The following FCRLA variants were observed in gnomAD, a reference collection of about 807,000 sequenced individuals.
The protein encoded by FCRLA is Fc receptor like A.
A neutral mutation model predicts 28.4 loss-of-function variants in FCRLA; 26 were observed. The observed-to-expected ratio is 0.91, with a 90% CI of 0.67 to 1.27. FCRLA has a LOEUF of 1.27. Among genes scored for constraint, FCRLA ranks in the 50% most tolerant of loss-of-function variants. FCRLA has a pLI of 0.00. For missense variants in FCRLA, 422 were observed against 433.1 expected (o/e 0.97, Z 0.23); for synonymous variants, 174 against 168.5 (o/e 1.03, Z -0.25).
intron 1 of FCRLA, among the ~76,000 whole-genome samples, chr1:161,709,910 A>T (rs542663096): frequency 6.6e-6 from 1 of 152,160 alleles, no homozygotes; most frequent in African/African-American, 2.4e-5. Context: ...ATGGACTGGG[A>T]GGAGGGGAAA....
At chr1:161,711,827 C>A in intron 3 of FCRLA, 107 bp from the exon 4 acceptor site, 1 of 1,332,060 alleles carries the variant, frequency 7.5e-7, no homozygotes, top group Non-Finnish European at 1.0e-6. Flanking sequence ...CCCATTCCTG[C>A]TGGAAACAGG....
At chr1:161,711,523 C>A in intron 3 of FCRLA, 49 bp downstream of exon 3, 1 of 1,562,418 alleles carries the variant, frequency 6.4e-7, no homozygotes, top group Non-Finnish European at 8.7e-7. Flanking sequence ...TAAGGAGAGA[C>A]AGGGAGCCCA....
At position 161,711,930 on chromosome 1, in the gene FCRLA, C is replaced by T. The variant is rs1359361744; in HGVS notation, c.500-4C>T. ...CTCTTCTTTCCTGCCTATCTTTTTC[C>T]CAGAACTGTTTCCAGCGCCAATTCT... On this transcript the variant is annotated splice_region_variant and splice_polypyrimidine_tract_variant and intron_variant, in intron 3 of 4. Transcript: ENST00000236938. The T allele has an allele frequency of 1.2e-6, 2 of 1,602,892 alleles. No homozygotes were observed. The highest frequency in any genetic ancestry group is 4.5e-5 in the East Asian group (2 of 44,736).
rs763133551 is a variant in FCRLA, at chr1:161,707,341, T to C, written c.77T>C (p.Leu26Pro). The change falls in exon 1 of 5, where the codon CTG (leucine) becomes CCG (proline). Residue 26 changes from leucine (L) to proline (P), a missense_variant and splice_region_variant. Transcript: ENST00000236938. ...LGVLWVAQMLLAASFETLQCE... is the reference protein window; with the variant it reads ...LGVLWVAQMLPAASFETLQCE... ...GTGCTCTGGGTGGCCCAGATGCTACTGGGTAAGTAAAATATTTGAATATTG... is the reference window on the plus strand; with the variant it reads ...GTGCTCTGGGTGGCCCAGATGCTACCGGGTAAGTAAAATATTTGAATATTG... The C allele has an allele frequency of 6.9e-6, 11 of 1,583,904 alleles. No individual in the cohort carries two copies. The highest frequency in any genetic ancestry group is 8.6e-6 in the Non-Finnish European group (10 of 1,168,982).
At chr1:161,712,261 G>A (rs1224443420) in intron 4 of FCRLA, 43 bp downstream of exon 4, 1 of 1,579,370 alleles carries the variant, frequency 6.3e-7, no homozygotes, top group Non-Finnish European at 8.6e-7. Flanking sequence ...TGGCATGCGT[G>A]TGAGTGAAAA....
In FCRLA at chr1:161,711,956, C is replaced by T. The variant is rs758112023; in HGVS notation, c.522C>T (p.Leu174=). The T allele has an allele frequency of 3.1e-6, 5 of 1,612,124 alleles. No individual in the cohort carries two copies. The highest frequency in any genetic ancestry group is 4.2e-6 in the Non-Finnish European group (5 of 1,179,056). The part of the protein sequence containing the change: ...TVQELFPAPI[L]RAVPSAEPQA... The stretch of plus-strand genomic sequence containing the variant: ...CAGAACTGTTTCCAGCGCCAATTCT[C>T]AGAGCTGTACCCTCAGCTGAACCCC... Residue 174 remains leucine, a synonymous_variant, in exon 4 of 5, where the codon CTC becomes CTT. Transcript: ENST00000236938.
chr1:161,711,884 C>T, intron 3 of FCRLA, 50 bp from the exon 4 acceptor site: 2 of 1,553,676 alleles, frequency 1.3e-6, no homozygotes, highest in Non-Finnish European at 1.7e-6. Context: ...CATGTGTCTA[C>T]CTGTATATAA....
chr1:161,712,276 G>A, intron 4 of FCRLA, 58 bp downstream of exon 4: 1 of 1,559,536 alleles, frequency 6.4e-7, no homozygotes, highest in Non-Finnish European at 8.7e-7. Context: ...TGAAAAGGAG[G>A]GATAGGATAA....
Position 161,711,292 on chromosome 1 carries a change from C to CACTG in FCRLA, c.321_324dup (p.Gln109AspfsTer18), listed in dbSNP as rs1557921237. The CACTG allele has an allele frequency of 1.2e-6, 2 of 1,614,238 alleles. No individual in the cohort carries two copies. Among genetic ancestry groups the CACTG allele is most frequent in the Admixed American group, 3.3e-5 (2 of 60,030 alleles). On this transcript the variant is annotated frameshift_variant, in exon 3 of 5. Coordinates refer to ENST00000236938, the MANE Select transcript of FCRLA (RefSeq NM_032738.4). LOFTEE classifies it high-confidence loss of function. The stretch of plus-strand genomic sequence containing the variant: ...CGCTGCCAGGCCTGGCAAGACTGGC[C>CACTG]ACTGACTCAGGTGACCTTCTACCGA...
Position 161,713,910 on chromosome 1 carries a change from A to T in FCRLA, c.*530A>T, listed in dbSNP as rs1265804507. On this transcript the variant is annotated 3_prime_UTR_variant, in exon 5 of 5. Transcript: ENST00000236938. ...AGTTGTACTGAGTTTGAGAAACCCCAGCCTAATGAAACCCTAGGTGTTGGG... is the reference window on the plus strand; with the variant it reads ...AGTTGTACTGAGTTTGAGAAACCCCTGCCTAATGAAACCCTAGGTGTTGGG... 1 of 152,664 alleles carries T rather than the reference A, an allele frequency of 6.6e-6. No individual in the cohort carries two copies. The highest frequency in any genetic ancestry group is 1.5e-5 in the Non-Finnish European group (1 of 68,310). 9.5% of individuals were successfully genotyped at this position (152,664 alleles called of 1,614,324 possible). A position where few individuals can be genotyped will look rare whatever the true frequency, so the allele number is the denominator to read the frequency against.
In FCRLA at chr1:161,707,358, T is replaced by G; in HGVS notation, c.79+15T>G. ...GATGCTACTGGGTAAGTAAAATATT[T>G]GAATATTGGTGTGGGAATGGAGCTT... On this transcript the variant is annotated intron_variant, in intron 1 of 4. Transcript: ENST00000236938. 6.4e-7 allele frequency: 1 copy of G among 1,567,390 alleles called. No individual in the cohort carries two copies.
intron 3 of FCRLA, 93 bp from the exon 4 acceptor site, chr1:161,711,841 A>C: frequency 1.4e-6 from 2 of 1,415,052 alleles, no homozygotes; most frequent in Non-Finnish European, 1.9e-6. Flanking sequence ...AAACAGGGGA[A>C]AGGAAGTATG....
At chr1:161,709,422 A>G (rs1017469397) in intron 1 of FCRLA, among the ~76,000 whole-genome samples, 2 of 152,212 alleles carry the variant, frequency 1.3e-5, no homozygotes, top group South Asian at 4.1e-4. Flanking sequence ...ATGAGCCACC[A>G]CGCCTGGATA....
intron 2 of FCRLA, 80 bp downstream of exon 2, chr1:161,710,992 G>C: frequency 1.9e-6 from 3 of 1,577,654 alleles, no homozygotes; most frequent in Non-Finnish European, 2.6e-6. Flanking sequence ...GTGTCCCTAG[G>C]AAATTGGCTA....
In FCRLA at chr1:161,711,360, T is replaced by C. The variant is rs1257441253; in HGVS notation, c.385T>C (p.Ser129Pro). The C allele has an allele frequency of 1.2e-6, 2 of 1,614,192 alleles. No homozygotes were observed. Among genetic ancestry groups the C allele is most frequent in the African/African-American group, 1.3e-5 (1 of 75,050 alleles). The change falls in exon 3 of 5, where the codon TCC becomes CCC. Residue 129 changes from serine (S) to proline (P), a missense_variant. This residue lies in a region of FCRLA where 231 missense variants were observed against 214.6 expected (regional missense o/e 1.08). Transcript: ENST00000236938. ...TCCCCCCGGGCCTAACAGGGAATTC[T>C]CCATCACCGTGGTACAAAAGGCAGA... The part of the protein sequence containing the change: ...LGPPGPNREF[S>P]ITVVQKADSG...
Position 161,710,594 on chromosome 1 carries a change from C to G in FCRLA, c.80-166C>G. ...GCCAGTGAATCAAGGTCAAAACTATCCCCCTGAGACACTCTCAGGGGTCTT... is the reference window on the plus strand; with the variant it reads ...GCCAGTGAATCAAGGTCAAAACTATGCCCCTGAGACACTCTCAGGGGTCTT... On this transcript the variant is annotated intron_variant, in intron 1 of 4. Coordinates refer to ENST00000236938, the MANE Select transcript of FCRLA (RefSeq NM_032738.4). 3.5e-6 allele frequency: 5 copies of G among 1,413,940 alleles called. No homozygotes were observed. In the Middle Eastern group the frequency reaches 5.2e-4, roughly 148 times the overall value. The allele number at this position is 1,413,940 out of a possible 1,614,324, so 87.6% of individuals were successfully genotyped here.
intron 1 of FCRLA, 97 bp downstream of exon 1, chr1:161,707,440 C>A: frequency 7.4e-7 from 1 of 1,344,896 alleles, no homozygotes; most frequent in Non-Finnish European, 1.0e-6. Context: ...TTCTGGCCCT[C>A]CAAAGAAGCA....
intron 2 of FCRLA, 63 bp downstream of exon 2, chr1:161,710,975 CAGGAAAGTGTCCCT>C: frequency 6.3e-7 from 1 of 1,595,606 alleles, no homozygotes; most frequent in Non-Finnish European, 8.6e-7. Flanking sequence ...AGAGCCCACC[CAGGAAAGTGTCCCT>C]AGGAAATTGG....
chr1:161,713,200 T>C lies in FCRLA; in HGVS notation c.900T>C (p.Ser300=). The change falls in exon 5 of 5, where the codon TCT becomes TCC. Residue 300 remains serine (S), a synonymous_variant. Transcript: ENST00000236938. ...CTCTGCCTCCGCCGCCAACCCCATC[T>C]TCTGAGGATCCAGGCTTTTCTTCTC... is the stretch of plus-strand genomic sequence containing the variant. ...PGPLPPPPTP[S]SEDPGFSSPL... The C allele has an allele frequency of 6.2e-7, 1 of 1,614,248 alleles. No individual in the cohort carries two copies. Among genetic ancestry groups the C allele is most frequent in the Non-Finnish European group, 8.5e-7 (1 of 1,180,044 alleles).
Sources: gnomAD v4.1 joint callset for allele counts (sites outside exome capture counted in the v4.1 genomes callset) on GRCh38, gnomAD v4.1.1 for gene constraint, gnomAD v4.1.1 regional missense constraint, MANE v1.5 for transcripts, NCBI Gene and HGNC (gene_info 2026-07-23, HGNC 2026-07-21) for gene names.